Variants in SNTG1 observed in about 807,000 individuals in gnomAD.
SNTG1 encodes syntrophin gamma 1.
SNTG1 carries 39 observed loss-of-function variants against 74.7 expected under a neutral mutation model. The ratio of observed to expected loss-of-function variants is 0.52; its 90% CI spans 0.40 to 0.68. The LOEUF is 0.68. Ranked by LOEUF, SNTG1 falls within the 30% of genes least tolerant of loss-of-function variation. The pLI is 0.00. For missense variants in SNTG1, 685 were observed against 609.5 expected (o/e 1.12, Z -1.30); for synonymous variants, 254 against 217.1 (o/e 1.17, Z -1.49).
intron 1 of SNTG1, among the ~76,000 whole-genome samples, chr8:49,982,683 CCAAGGAT>C (rs1163580610): frequency 6.7e-6 from 1 of 148,716 alleles, no homozygotes; most frequent in Admixed American, 6.7e-5. Context: ...TGACCAAGGA[CCAAGGAT>C]GCTACCTTAA....
intron 18 of SNTG1, among the ~76,000 whole-genome samples, chr8:50,778,989 G>C (rs905633308): frequency 1.3e-5 from 2 of 152,102 alleles, no homozygotes; most frequent in Admixed American, 1.3e-4. Context: ...TTTTTCTCAG[G>C]TTTGTCAAAG....
At chr8:49,938,603 T>TTTTTTTCTTTTCTTTCTTTCTTTCTTTC (rs1554524905) in intron 1 of SNTG1, among the ~76,000 whole-genome samples, 2 of 74,754 alleles carry the variant, frequency 2.7e-5, no homozygotes, top group African/African-American at 4.5e-5. Context: ...TTTTCTTTTC[T>TTTTTTTCTTTTCTTTCTTTCTTTCTTTC]TTTCTTTCTT....
intron 18 of SNTG1, among the ~76,000 whole-genome samples, chr8:50,778,060 C>T (rs7837191): frequency 6.6e-6 from 1 of 152,144 alleles, no homozygotes; most frequent in African/African-American, 2.4e-5. Flanking sequence ...GCATAGTATT[C>T]CATGGTGTAT....
At chr8:50,230,624 A>G (rs1200957080) in intron 2 of SNTG1, among the ~76,000 whole-genome samples, 1 of 151,348 alleles carries the variant, frequency 6.6e-6, no homozygotes, top group Admixed American at 6.6e-5. Flanking sequence ...TCTACCCAAC[A>G]TTTAAGAGCA....
chr8:50,656,959 C>A lies in SNTG1; in HGVS notation c.900C>A (p.Asp300Glu). 6.2e-7 allele frequency: 1 copy of A among 1,601,606 alleles called. No homozygotes were observed. The highest frequency in any genetic ancestry group is 1.7e-5 in the Admixed American group (1 of 58,512). ...CEAREQDPLQ[D>E]RVYSPTFLAL... ...CCCGGGAGCAAGACCCCCTCCAGGA[C>A]AGAGTGTACTCCCCGACCTTCCTGG... Residue 300 changes from aspartate (D) to glutamate (E), a missense_variant, in exon 14 of 19, where the codon GAC becomes GAA. Transcript: ENST00000642720.
intron 18 of SNTG1, among the ~76,000 whole-genome samples, chr8:50,759,375 G>A (rs2095591078): frequency 1.3e-5 from 2 of 151,930 alleles, no homozygotes; most frequent in East Asian, 3.9e-4. Flanking sequence ...TAGTCATGAA[G>A]TCTTTACTCC....
chr8:50,234,099 AC>A (rs2132083298), intron 2 of SNTG1, among the ~76,000 whole-genome samples: 1 of 152,068 alleles, frequency 6.6e-6, no homozygotes, highest in African/African-American at 2.4e-5. Flanking sequence ...AGATCCATAC[AC>A]AATTATTCAT....
At chr8:50,772,739 C>T (rs937122362) in intron 18 of SNTG1, among the ~76,000 whole-genome samples, 3 of 152,070 alleles carry the variant, frequency 2.0e-5, no homozygotes, top group African/African-American at 2.4e-5. Flanking sequence ...AATGTGAGGC[C>T]TAGAGGGAAC....
At chr8:50,524,266 A>G (rs1247726262) in intron 9 of SNTG1, among the ~76,000 whole-genome samples, 2 of 152,022 alleles carry the variant, frequency 1.3e-5, no homozygotes, top group African/African-American at 4.8e-5. Context: ...TCTATACCAT[A>G]TATTGGTTTC....
intron 1 of SNTG1, among the ~76,000 whole-genome samples, chr8:50,107,567 T>TG (rs911139071): frequency 4.9e-5 from 7 of 143,110 alleles, no homozygotes; most frequent in Admixed American, 2.1e-4. Flanking sequence ...TTTGTTTTTT[T>TG]GTTTTTTTTG....
intron 2 of SNTG1, among the ~76,000 whole-genome samples, chr8:50,291,940 A>G (rs1269934692): frequency 1.2e-4 from 18 of 152,104 alleles, no homozygotes; most frequent in Admixed American, 1.2e-3. Flanking sequence ...TGGTAGAGGC[A>G]TTTATTGAAA....
intron 2 of SNTG1, among the ~76,000 whole-genome samples, chr8:50,272,705 G>A (rs530967192): frequency 3.1e-4 from 47 of 152,202 alleles, no homozygotes; most frequent in African/African-American, 9.4e-4. Flanking sequence ...ACATGTGTAC[G>A]ATGTATCATT....
At chr8:50,748,116 A>G (rs992538881) in intron 17 of SNTG1, among the ~76,000 whole-genome samples, 9 of 152,064 alleles carry the variant, frequency 5.9e-5, no homozygotes, top group Non-Finnish European at 1.2e-4. Context: ...AATGGAGACC[A>G]TGGGTAATGT....
At chr8:50,336,114 T>A (rs1320201181) in intron 2 of SNTG1, among the ~76,000 whole-genome samples, 3 of 152,158 alleles carry the variant, frequency 2.0e-5, no homozygotes, top group Non-Finnish European at 4.4e-5. Context: ...ATGAATTTTA[T>A]CCACATTCCA....
At chr8:50,180,284 T>C (rs2083154712) in intron 2 of SNTG1, among the ~76,000 whole-genome samples, 1 of 151,918 alleles carries the variant, frequency 6.6e-6, no homozygotes, top group South Asian at 2.1e-4. Flanking sequence ...GGTGTGGAAA[T>C]AAAGAGATGG....
At chr8:50,101,213 G>C (rs1001140656) in intron 1 of SNTG1, among the ~76,000 whole-genome samples, 1 of 152,010 alleles carries the variant, frequency 6.6e-6, no homozygotes, top group Non-Finnish European at 1.5e-5. Flanking sequence ...CTATGTCTTT[G>C]CTAATGATAA....
At chr8:50,189,660 T>G (rs761635167) in intron 2 of SNTG1, among the ~76,000 whole-genome samples, 2 of 152,188 alleles carry the variant, frequency 1.3e-5, no homozygotes, top group Non-Finnish European at 2.9e-5. Context: ...AAGTCTGCTG[T>G]AAGACCACAC....
Position 50,121,819 on chromosome 8 carries a change from C to T in SNTG1, c.-102-50742C>T, listed in dbSNP as rs1256974617. On this transcript the variant is annotated intron_variant, in intron 1 of 18. Transcript: ENST00000642720. ...AAGGCCTCATTGAGTTATGATAGCA[C>T]CACTGCACTCCAGCCTGGGTGAAAT... 1.4e-5 allele frequency among the ~76,000 whole-genome samples: 2 copies of T among 142,038 alleles called. 1 individual carries two copies. The highest frequency in any genetic ancestry group is 5.1e-5 in the African/African-American group (2 of 39,208). The allele number at this position is 142,038 out of a possible 152,430, so 93.2% of individuals were successfully genotyped here. A position where few individuals can be genotyped will look rare whatever the true frequency, so the allele number is the denominator to read the frequency against.
chr8:50,124,178 T>C lies in SNTG1; in HGVS notation c.-102-48383T>C, dbSNP rs936004980. ...TTGTGTCCTTATTAAAAGAGGAGGTTAGGACAGAGACAGATTCACAGAGAA... is the reference window on the plus strand; with the variant it reads ...TTGTGTCCTTATTAAAAGAGGAGGTCAGGACAGAGACAGATTCACAGAGAA... On this transcript the variant is annotated intron_variant, in intron 1 of 18. Coordinates refer to ENST00000642720, the MANE Select transcript of SNTG1 (RefSeq NM_018967.5). Among the ~76,000 whole-genome samples, 3 of 141,248 alleles carry C rather than the reference T, an allele frequency of 2.1e-5. 1 individual carries two copies. Among genetic ancestry groups the C allele is most frequent in the African/African-American group, 7.7e-5 (3 of 38,988 alleles). 92.7% of individuals were successfully genotyped at this position (141,248 alleles called of 152,430 possible).
Sources: gnomAD v4.1 joint callset for allele counts (sites outside exome capture counted in the v4.1 genomes callset) on GRCh38, gnomAD v4.1.1 for gene constraint, MANE v1.5 for transcripts, NCBI Gene and HGNC (gene_info 2026-07-23, HGNC 2026-07-21) for gene names.